ENTPD7: variants seen among roughly 807,000 people sequenced by gnomAD.
The protein encoded by ENTPD7 is ectonucleoside triphosphate diphosphohydrolase 7, also known as NTPDase 7.
ENTPD7 carries 53 observed loss-of-function variants against 77.9 expected under a neutral mutation model. That is an observed-to-expected ratio of 0.68 (90% confidence interval 0.55 to 0.85). The LOEUF is 0.85. Among genes scored for constraint, ENTPD7 ranks in the 40% least tolerant of loss-of-function variants. The pLI is 0.00. For synonymous variants in ENTPD7, 248 were observed against 274.9 expected (o/e 0.90, Z 0.97); for missense variants, 636 against 743.7 (o/e 0.86, Z 1.68).
rs200848474 is a variant in ENTPD7 at position 99,687,239 on chromosome 10, T to TTTTCTTTC, written c.652+1360_652+1367dup. 3.9e-4 allele frequency among the ~76,000 whole-genome samples: 29 copies of TTTTCTTTC among 75,262 alleles called. 5 individuals are homozygous for TTTTCTTTC. The highest frequency in any genetic ancestry group is 5.2e-4 in the Non-Finnish European group (22 of 42,450). 49.4% of individuals were successfully genotyped at this position (75,262 alleles called of 152,430 possible). On this transcript the variant is annotated intron_variant, in intron 6 of 12. Coordinates refer to ENST00000370489, the MANE Select transcript of ENTPD7 (RefSeq NM_020354.5). ...CCGTGATTCTATTAGTTCATTTTTC[T>TTTTCTTTC]TTTCTTTCTTTCTTTCTTTCTTTTT...
chr10:99,702,148 C>G (rs183666924), intron 11 of ENTPD7, among the ~76,000 whole-genome samples: 40 of 152,252 alleles, frequency 2.6e-4, no homozygotes, highest in Non-Finnish European at 5.4e-4. Context: ...TTTATCAGCT[C>G]CTGGCCCATC....
intron 3 of ENTPD7, among the ~76,000 whole-genome samples, chr10:99,663,431 G>A (rs1319211272): frequency 6.7e-6 from 1 of 149,136 alleles, no homozygotes; most frequent in African/African-American, 2.5e-5. Flanking sequence ...TGATTGTGAT[G>A]TGCTTTGATG....
intron 3 of ENTPD7, among the ~76,000 whole-genome samples, chr10:99,669,670 C>T (rs2035593846): frequency 6.7e-6 from 1 of 149,964 alleles, no homozygotes; most frequent in Non-Finnish European, 1.5e-5. Flanking sequence ...AGAGATTTAC[C>T]ACATATCCCC....
chr10:99,671,404 CTT>C lies in ENTPD7; in HGVS notation c.192-7856_192-7855del, dbSNP rs1241294041. Among the ~76,000 whole-genome samples the C allele has an allele frequency of 3.3e-5, 5 of 151,668 alleles. No individual in the cohort carries two copies. In the East Asian group the frequency reaches 7.8e-4, roughly 24 times the overall value. ...ATAAGTTTTCTTCTATTTTTAAAAA[CTT>C]AAAGTTTTTTTTCCTTTTAAAACTT... is the stretch of plus-strand genomic sequence containing the variant. On this transcript the variant is annotated intron_variant, in intron 3 of 12. Transcript: ENST00000370489.
At chr10:99,685,160 G>A (rs2035796539) in intron 5 of ENTPD7, among the ~76,000 whole-genome samples, 1 of 152,180 alleles carries the variant, frequency 6.6e-6, no homozygotes, top group Non-Finnish European at 1.5e-5. Flanking sequence ...GGGAGGCTGA[G>A]GCAGGAGAAT....
In ENTPD7 at chr10:99,711,210, A is replaced by G; in HGVS notation, c.*6527A>G. The G allele has an allele frequency of 1.0e-6, 1 of 985,440 alleles. No individual in the cohort carries two copies. The highest frequency in any genetic ancestry group is 1.2e-6 in the Non-Finnish European group (1 of 829,914). The allele number at this position is 985,440 out of a possible 1,614,324, so 61.0% of individuals were successfully genotyped here. A position where few individuals can be genotyped will look rare whatever the true frequency, so the allele number is the denominator to read the frequency against. On this transcript the variant is annotated 3_prime_UTR_variant, in exon 13 of 13. Coordinates refer to ENST00000370489, the MANE Select transcript of ENTPD7 (RefSeq NM_020354.5). Reference sequence around the variant, plus strand: ...AAATGTACTCATCATCTGTAATAAAAGAAAAATGAAGTAAAACATCTGAAA... The same window carrying G: ...AAATGTACTCATCATCTGTAATAAAGGAAAAATGAAGTAAAACATCTGAAA...
chr10:99,662,618 G>C (rs190210727), intron 3 of ENTPD7, among the ~76,000 whole-genome samples: 44 of 152,314 alleles, frequency 2.9e-4, no homozygotes, highest in African/African-American at 8.9e-4. Context: ...ATTGTTGCCT[G>C]AAAGGGTCAT....
intron 9 of ENTPD7, 93 bp downstream of exon 9, chr10:99,696,215 C>CCCTGT: frequency 7.0e-7 from 1 of 1,438,492 alleles, no homozygotes; most frequent in Non-Finnish European, 9.4e-7. Flanking sequence ...ACAGATAAGT[C>CCCTGT]CCTGCTTCCT....
At position 99,707,770 on chromosome 10, in the gene ENTPD7, A is replaced by G. The variant is rs1213975386; in HGVS notation, c.*3087A>G. Among the ~76,000 whole-genome samples the G allele has an allele frequency of 6.6e-6, 1 of 152,242 alleles. No individual in the cohort carries two copies. Among genetic ancestry groups the G allele is most frequent in the African/African-American group, 2.4e-5 (1 of 41,458 alleles). On this transcript the variant is annotated 3_prime_UTR_variant, in exon 13 of 13. Transcript: ENST00000370489. ...CCCCAAAATTCTTGTCATAGAACAT[A>G]ATGAAAAATATGTAAAATACCCATT...
chr10:99,698,739 T>C lies in ENTPD7; in HGVS notation c.1216T>C (p.Ser406Pro). 6.2e-7 allele frequency: 1 copy of C among 1,614,230 alleles called. No homozygotes were observed. Among genetic ancestry groups the C allele is most frequent in the Non-Finnish European group, 8.5e-7 (1 of 1,180,036 alleles). The change falls in exon 10 of 13, where the codon TCG becomes CCG. Residue 406 changes from serine to proline, a missense_variant. By Grantham distance (74) the Ser-to-Pro change is moderately conservative. Around this residue, in one of 3 missense-constraint regions of ENTPD7, gnomAD observed 486 missense variants for 556.5 expected, o/e 0.87. Transcript: ENST00000370489. Reference sequence around the variant, plus strand: ...GGCCTCACTCAATGGCATATATCAATCGCCTATTGACTTCAACAACAGCGA... The same window carrying C: ...GGCCTCACTCAATGGCATATATCAACCGCCTATTGACTTCAACAACAGCGA... ...SQASLNGIYQ[S>P]PIDFNNSEFY...
intron 2 of ENTPD7, chr10:99,660,542 A>G: frequency 5.7e-6 from 2 of 347,850 alleles, no homozygotes; most frequent in South Asian, 2.1e-5. Context: ...ACACACACAC[A>G]CACACACACA....
chr10:99,695,035 G>GAATA (rs946786965), intron 8 of ENTPD7, among the ~76,000 whole-genome samples: 2 of 152,304 alleles, frequency 1.3e-5, no homozygotes, highest in Non-Finnish European at 2.9e-5. Flanking sequence ...AGATAAAAGA[G>GAATA]AATAAATAAA....
At chr10:99,699,964 C>T (rs1194659077) in intron 10 of ENTPD7, among the ~76,000 whole-genome samples, 2 of 151,680 alleles carry the variant, frequency 1.3e-5, no homozygotes, top group Admixed American at 1.3e-4. Flanking sequence ...TAGTGTAAGG[C>T]TTCCAGCAAA....
chr10:99,662,108 G>C (rs2035494557), intron 3 of ENTPD7, among the ~76,000 whole-genome samples: 1 of 151,944 alleles, frequency 6.6e-6, no homozygotes, highest in Admixed American at 6.6e-5. Context: ...TGTTTGGTTG[G>C]GTCTTGTTTT....
chr10:99,661,691 T>A, intron 3 of ENTPD7, 63 bp downstream of exon 3: 2 of 1,401,444 alleles, frequency 1.4e-6, no homozygotes, highest in Non-Finnish European at 1.9e-6. Context: ...TTTAACACAC[T>A]ACTGACTTTG....
rs368720422 is a variant in ENTPD7 at position 99,668,346 on chromosome 10, C to T, written c.191+6718C>T. Among the ~76,000 whole-genome samples the T allele has an allele frequency of 1.4e-4, 22 of 152,190 alleles. No individual in the cohort carries two copies. The East Asian group carries it at 1.5e-3, about 11-fold the overall frequency. On this transcript the variant is annotated intron_variant, in intron 3 of 12. Transcript: ENST00000370489. ...CTCTTCTCAAGGTGAATCTAATATA[C>T]CACCTGGGTTGAGAAAAACTGCTTT...
At chr10:99,667,412 G>T (rs190609397) in intron 3 of ENTPD7, among the ~76,000 whole-genome samples, 2 of 152,286 alleles carry the variant, frequency 1.3e-5, no homozygotes, top group African/African-American at 4.8e-5. Context: ...CAGGCATAAA[G>T]GAAAAATTAT....
At chr10:99,684,550 A>G (rs191962228) in intron 5 of ENTPD7, among the ~76,000 whole-genome samples, 1 of 152,194 alleles carries the variant, frequency 6.6e-6, no homozygotes, top group African/African-American at 2.4e-5. Flanking sequence ...TTTTTAAGAA[A>G]CTATACTTGA....
intron 3 of ENTPD7, among the ~76,000 whole-genome samples, chr10:99,675,265 G>A (rs1372766041): frequency 6.6e-6 from 1 of 151,800 alleles, no homozygotes; most frequent in Non-Finnish European, 1.5e-5. Context: ...CTGTGAAATT[G>A]GATAGCTTCC....
Sources: gnomAD v4.1 joint callset for allele counts (sites outside exome capture counted in the v4.1 genomes callset) on GRCh38, gnomAD v4.1.1 for gene constraint, gnomAD v4.1.1 regional missense constraint, MANE v1.5 for transcripts, NCBI Gene and HGNC (gene_info 2026-07-23, HGNC 2026-07-21) for gene names.